The following BMAL1 variants were observed in gnomAD, a reference collection of about 807,000 sequenced individuals.
The protein encoded by BMAL1 is basic helix-loop-helix ARNT-like protein 1.
chr11:13,383,869 G>A, the BMAL1 span, among the ~76,000 whole-genome samples: 6 of 151,962 alleles, frequency 3.9e-5, no homozygotes, highest in Non-Finnish European at 8.8e-5. Flanking sequence ...AGGAGGAAAG[G>A]AAGGAAGGGA....
the BMAL1 span, chr11:13,376,521 C>T: frequency 4.4e-6 from 4 of 917,972 alleles, no homozygotes; most frequent in Admixed American, 5.1e-5. Context: ...CTCAGACAGA[C>T]ACTTCATTTT....
At chr11:13,360,504 G>T in the BMAL1 span, 1 of 1,329,300 alleles carries the variant, frequency 7.5e-7, no homozygotes, top group Admixed American at 1.9e-5. Flanking sequence ...GGAATTTGAT[G>T]TTTCAACACT....
the BMAL1 span, among the ~76,000 whole-genome samples, chr11:13,322,406 C>A: frequency 2.6e-5 from 4 of 152,214 alleles, no homozygotes; most frequent in African/African-American, 9.6e-5. Flanking sequence ...TACTCTTCTA[C>A]CCCATTGAGC....
the BMAL1 span, among the ~76,000 whole-genome samples, chr11:13,330,123 A>G: frequency 1.3e-5 from 2 of 152,230 alleles, no homozygotes. Context: ...TTTCAGGAAC[A>G]CGGAGTAATT....
chr11:13,324,032 T>C, the BMAL1 span, among the ~76,000 whole-genome samples: 1 of 152,224 alleles, frequency 6.6e-6, no homozygotes, highest in South Asian at 2.1e-4. Context: ...ATATCTGTCA[T>C]TTCAAACATT....
At chr11:13,326,629 G>C in the BMAL1 span, among the ~76,000 whole-genome samples, 1,079 of 152,122 alleles carry the variant, frequency 7.1e-3, 16 homozygotes, top group African/African-American at 0.025. Flanking sequence ...CAACTAGCTG[G>C]GGACCTTGGG....
At chr11:13,307,150 A>G in the BMAL1 span, among the ~76,000 whole-genome samples, 1 of 152,216 alleles carries the variant, frequency 6.6e-6, no homozygotes, top group Admixed American at 6.5e-5. Flanking sequence ...GACAAAATGC[A>G]TCTGGGGAAG....
chr11:13,315,708 T>C, the BMAL1 span, among the ~76,000 whole-genome samples: 2 of 152,200 alleles, frequency 1.3e-5, no homozygotes, highest in African/African-American at 4.8e-5. Flanking sequence ...ATTTGATTAA[T>C]GAATGTTTGT....
At chr11:13,305,390 G>C in the BMAL1 span, among the ~76,000 whole-genome samples, 1 of 151,940 alleles carries the variant, frequency 6.6e-6, no homozygotes, top group Non-Finnish European at 1.5e-5. Flanking sequence ...TTTTAATTTT[G>C]GTATCCATGT....
At chr11:13,314,747 A>G in the BMAL1 span, among the ~76,000 whole-genome samples, 1 of 152,052 alleles carries the variant, frequency 6.6e-6, no homozygotes, top group Non-Finnish European at 1.5e-5. Flanking sequence ...TTCCCCCTTA[A>G]TCCAGCTGAG....
chr11:13,347,090 G>C, the BMAL1 span, among the ~76,000 whole-genome samples: 1 of 152,314 alleles, frequency 6.6e-6, no homozygotes, highest in Non-Finnish European at 1.5e-5. Flanking sequence ...CCTGGTCTAA[G>C]CATATAAGAG....
chr11:13,345,449 G>C, the BMAL1 span, among the ~76,000 whole-genome samples: 1 of 152,176 alleles, frequency 6.6e-6, no homozygotes, highest in African/African-American at 2.4e-5. Context: ...GAGATAACTT[G>C]TTTGCTCAGT....
At chr11:13,297,257 G>T in the BMAL1 span, among the ~76,000 whole-genome samples, 1 of 152,338 alleles carries the variant, frequency 6.6e-6, no homozygotes, top group African/African-American at 2.4e-5. Context: ...AGGAAAGGAA[G>T]AAGTTATTCT....
the BMAL1 span, chr11:13,349,905 G>A: frequency 6.6e-6 from 1 of 152,192 alleles, no homozygotes; most frequent in Non-Finnish European, 1.5e-5. Context: ...ACCTCAAAGT[G>A]ACCTGTCTGG....
the BMAL1 span, among the ~76,000 whole-genome samples, chr11:13,278,773 C>CCTGGAGCTGCCTG: frequency 6.6e-6 from 1 of 152,242 alleles, no homozygotes; most frequent in South Asian, 2.1e-4. Context: ...GAGGGCGCAG[C>CCTGGAGCTGCCTG]GAGCCTGGCT....
At chr11:13,283,630 C>T in the BMAL1 span, among the ~76,000 whole-genome samples, 7 of 152,136 alleles carry the variant, frequency 4.6e-5, no homozygotes, top group East Asian at 1.9e-4. Flanking sequence ...CTCACTCAGC[C>T]GCACCATGCC....
At chr11:13,365,556 C>T in the BMAL1 span, 1 of 1,613,706 alleles carries the variant, frequency 6.2e-7, no homozygotes, top group Non-Finnish European at 8.5e-7. Flanking sequence ...TACTCTTTGT[C>T]TCAGAGTCTG....
chr11:13,378,308 T>C, the BMAL1 span: 1 of 1,567,266 alleles, frequency 6.4e-7, no homozygotes, highest in Non-Finnish European at 8.6e-7. Flanking sequence ...AGTTTTCCCC[T>C]TTCCTACTCT....
the BMAL1 span, among the ~76,000 whole-genome samples, chr11:13,342,075 G>T: frequency 6.6e-6 from 1 of 152,354 alleles, no homozygotes; most frequent in African/African-American, 2.4e-5. Flanking sequence ...GACCCTGCCT[G>T]GGGAGAGGCA....
Sources: allele counts gnomAD v4.1 joint callset (sites outside exome capture counted in the v4.1 genomes callset), GRCh38; gene constraint gnomAD v4.1.1; transcripts MANE v1.5; gene names NCBI Gene and HGNC (gene_info 2026-07-23, HGNC 2026-07-21).